Variants in CDK5RAP2 observed in about 807,000 individuals in gnomAD.
The protein encoded by CDK5RAP2 is CDK5 regulatory subunit associated protein 2.
A neutral mutation model predicts 232.9 loss-of-function variants in CDK5RAP2; 147 were observed. That is an observed-to-expected ratio of 0.63 (90% CI 0.55 to 0.72). The LOEUF is 0.72. Ranked by LOEUF, CDK5RAP2 falls within the 30% of genes least tolerant of loss-of-function variation. The pLI is 0.00. For synonymous variants in CDK5RAP2, 833 were observed against 833.7 expected (o/e 1.00, Z 0.01); for missense variants, 2,195 against 2,231.5 (o/e 0.98, Z 0.33).
intron 4 of CDK5RAP2, among the ~76,000 whole-genome samples, chr9:120,550,523 G>A (rs1044736269): frequency 2.0e-5 from 3 of 152,180 alleles, no homozygotes; most frequent in African/African-American, 7.2e-5. Context: ...TAAAGAACAC[G>A]TAATTATAAA....
intron 10 of CDK5RAP2, among the ~76,000 whole-genome samples, chr9:120,526,738 G>A (rs1046652949): frequency 6.6e-6 from 1 of 152,060 alleles, no homozygotes; most frequent in Non-Finnish European, 1.5e-5. Flanking sequence ...CCCACCGGCT[G>A]GCCACTTGAA....
At chr9:120,542,897 G>A (rs1388067152) in intron 5 of CDK5RAP2, among the ~76,000 whole-genome samples, 3 of 152,202 alleles carry the variant, frequency 2.0e-5, no homozygotes, top group Admixed American at 1.3e-4. Flanking sequence ...AGCCATGCGC[G>A]GTTCCAGATC....
chr9:120,455,736 CAAA>C (rs774549079), intron 20 of CDK5RAP2, among the ~76,000 whole-genome samples: 2 of 131,488 alleles, frequency 1.5e-5, no homozygotes, highest in Non-Finnish European at 3.3e-5. Context: ...AACCTTGTGT[CAAA>C]AAAAAAAAAA....
intron 22 of CDK5RAP2, among the ~76,000 whole-genome samples, chr9:120,446,414 T>C (rs11788937): frequency 6.6e-6 from 1 of 152,116 alleles, no homozygotes; most frequent in African/African-American, 2.4e-5. Flanking sequence ...TTAGTAGAGA[T>C]GGGGTTTCGC....
intron 12 of CDK5RAP2, among the ~76,000 whole-genome samples, chr9:120,492,432 A>G (rs904240888): frequency 1.3e-5 from 2 of 152,236 alleles, no homozygotes; most frequent in African/African-American, 4.8e-5. Flanking sequence ...CCTATAAGGT[A>G]TAAGAGAGAA....
intron 20 of CDK5RAP2, among the ~76,000 whole-genome samples, chr9:120,456,175 G>C (rs1214620922): frequency 6.6e-6 from 1 of 152,262 alleles, no homozygotes; most frequent in Non-Finnish European, 1.5e-5. Flanking sequence ...CAGCTGGAAA[G>C]CTGTGGCTAA....
intron 14 of CDK5RAP2, among the ~76,000 whole-genome samples, chr9:120,485,386 C>T (rs1166103256): frequency 1.3e-5 from 2 of 151,382 alleles, no homozygotes; most frequent in Admixed American, 6.6e-5. Context: ...CCTCCGCCTC[C>T]GGGGTTCAAG....
intron 11 of CDK5RAP2, among the ~76,000 whole-genome samples, chr9:120,522,614 G>A (rs2040721249): frequency 6.6e-6 from 1 of 152,194 alleles, no homozygotes; most frequent in African/African-American, 2.4e-5. Flanking sequence ...CTGGGAGGAT[G>A]CCATTTCCAA....
chr9:120,480,729 A>C (rs905052747), intron 14 of CDK5RAP2, among the ~76,000 whole-genome samples: 1 of 152,212 alleles, frequency 6.6e-6, no homozygotes, highest in African/African-American at 2.4e-5. Flanking sequence ...AAAGGTGAAG[A>C]AGCCCTGATC....
intron 1 of CDK5RAP2, among the ~76,000 whole-genome samples, chr9:120,578,529 G>A (rs1038165435): frequency 1.3e-5 from 2 of 150,016 alleles, no homozygotes; most frequent in Non-Finnish European, 3.0e-5. Context: ...CCCTCTTTAT[G>A]TCTGCTGCCC....
intron 30 of CDK5RAP2, 136 bp downstream of exon 30, chr9:120,408,991 A>G: frequency 1.3e-6 from 1 of 795,644 alleles, no homozygotes; most frequent in South Asian, 1.5e-5. Context: ...TAGGCGCACC[A>G]GACGTACAAT....
chr9:120,496,796 G>GC (rs2039292649), intron 12 of CDK5RAP2, among the ~76,000 whole-genome samples: 1 of 136,420 alleles, frequency 7.3e-6, no homozygotes, highest in Non-Finnish European at 1.5e-5. Context: ...GGGGGGGTCA[G>GC]CCCCCCTGCC....
chr9:120,572,089 A>G (rs370921699), intron 1 of CDK5RAP2, 48 bp from the exon 2 acceptor site: 159 of 1,405,088 alleles, frequency 1.1e-4, no homozygotes, highest in Middle Eastern at 7.1e-4. Context: ...TTTGAACAAC[A>G]GAGACTGTTA....
chr9:120,458,562 T>A lies in CDK5RAP2; in HGVS notation c.2263A>T (p.Lys755Ter). ...KNGYLRHTES[K>*]ISDCDGAHAP... is the part of the protein sequence containing the mutation. ...TGGGCCCCATCACAATCTGAAATCT[T>A]AGACTCCGTGTGCCTTAAGTATCCA... The change falls in exon 20 of 38, where the codon AAG becomes TAG. Residue 755 changes from lysine (K) to a stop codon, truncating the protein, a stop_gained. Coordinates refer to ENST00000349780, the MANE Select transcript of CDK5RAP2 (RefSeq NM_018249.6). LOFTEE classifies it high-confidence loss of function. The A allele has an allele frequency of 6.2e-7, 1 of 1,614,156 alleles. No homozygotes were observed. The highest frequency in any genetic ancestry group is 8.5e-7 in the Non-Finnish European group (1 of 1,180,002).
intron 27 of CDK5RAP2, among the ~76,000 whole-genome samples, chr9:120,416,159 C>T (rs2034205149): frequency 6.6e-6 from 1 of 152,164 alleles, no homozygotes; most frequent in Non-Finnish European, 1.5e-5. Flanking sequence ...GGCCGGGCGT[C>T]CTCTAATTCA....
At chr9:120,480,265 G>A (rs1410427437) in intron 14 of CDK5RAP2, among the ~76,000 whole-genome samples, 1 of 152,042 alleles carries the variant, frequency 6.6e-6, no homozygotes, top group Non-Finnish European at 1.5e-5. Flanking sequence ...TTTTCAACTT[G>A]ATTAAAATTT....
At position 120,530,072 on chromosome 9, in the gene CDK5RAP2, T is replaced by C. The variant is rs199670126; in HGVS notation, c.731A>G (p.Lys244Arg). The C allele has an allele frequency of 2.1e-5, 34 of 1,613,848 alleles. No homozygotes were observed. The highest frequency in any genetic ancestry group is 3.3e-4 in the Middle Eastern group (2 of 6,084). Residue 244 changes from lysine (K) to arginine (R), a missense_variant, in exon 8 of 38, where the codon AAA becomes AGA. By Grantham distance (26) the Lys-to-Arg change is conservative. Transcript: ENST00000349780. ...EALIQCLKEE[K>R]SQMACPDENV... ...CTCATCAGGACATGCCATCTGAGAT[T>C]TCTCCTCTTTAAGGCACTGAATTAA...
At chr9:120,418,731 C>T (rs1564192305) in intron 27 of CDK5RAP2, among the ~76,000 whole-genome samples, 1 of 152,166 alleles carries the variant, frequency 6.6e-6, no homozygotes, top group Non-Finnish European at 1.5e-5. Flanking sequence ...TGCTGGAGGA[C>T]CCCAGCTGAT....
chr9:120,524,436 T>C (rs977602818), intron 11 of CDK5RAP2, among the ~76,000 whole-genome samples: 9 of 152,040 alleles, frequency 5.9e-5, no homozygotes, highest in African/African-American at 2.2e-4. Flanking sequence ...AGGTTAGGAG[T>C]TCGAGACCAG....
Sources: allele counts gnomAD v4.1 joint callset (sites outside exome capture counted in the v4.1 genomes callset), GRCh38; gene constraint gnomAD v4.1.1; transcripts MANE v1.5; gene names NCBI Gene and HGNC (gene_info 2026-07-23, HGNC 2026-07-21).